CCDC171: variants seen among roughly 807,000 people sequenced by gnomAD.
CCDC171 encodes the protein coiled-coil domain-containing protein 171.
CCDC171 carries 177 observed loss-of-function variants against 168.2 expected under a neutral mutation model. The ratio of observed to expected loss-of-function variants is 1.05; its 90% CI spans 0.93 to 1.19. The LOEUF is 1.19. Ranked by LOEUF, CCDC171 falls within the 50% of genes most tolerant of loss-of-function variation. CCDC171 has a pLI of 0.00. For missense variants in CCDC171, 1,991 were observed against 1,539.0 expected (o/e 1.29, Z -4.91); for synonymous variants, 687 against 540.8 (o/e 1.27, Z -3.75).
exon 2 of CCDC171, chr9:16,060,789 C>G (rs1586871621): frequency 6.6e-6 from 1 of 152,212 alleles, no homozygotes; most frequent in Non-Finnish European, 1.5e-5. Context: ...AAGACCTGAA[C>G]TTCAGAGTGG....
At position 15,664,578 on chromosome 9, in the gene CCDC171, A is replaced by ACACACACACACACACACACACACACC. The variant is rs1205254303; in HGVS notation, c.916-1574_916-1573insACACACACACACACCCACACACACAC. Among the ~76,000 whole-genome samples, 10 of 151,688 alleles carry ACACACACACACACACACACACACACC rather than the reference A, an allele frequency of 6.6e-5. 1 individual carries two copies. Among genetic ancestry groups the ACACACACACACACACACACACACACC allele is most frequent in the African/African-American group, 2.4e-4 (10 of 41,220 alleles). ...GGCCCTTAAATTTATACACACACAC[A>ACACACACACACACACACACACACACC]CACACACACACTCACACGAGTTGTT... is the stretch of plus-strand genomic sequence containing the variant. On this transcript the variant is annotated intron_variant, in intron 8 of 25. Coordinates refer to ENST00000380701, the MANE Select transcript of CCDC171 (RefSeq NM_173550.4).
At chr9:15,889,520 G>A (rs565804671) in intron 24 of CCDC171, among the ~76,000 whole-genome samples, 1 of 152,222 alleles carries the variant, frequency 6.6e-6, no homozygotes, top group African/African-American at 2.4e-5. Flanking sequence ...AGTATTTTAT[G>A]CCACTTGAAA....
rs1434651702 is a variant in CCDC171 at position 15,642,341 on chromosome 9, GTGTATATA to G, written c.823-14784_823-14777del. ...TATATATATATATACACGTGTGTGT[GTGTATATA>G]TATATATATATATATATATATATAT... On this transcript the variant is annotated intron_variant, in intron 7 of 25. Coordinates refer to ENST00000380701, the MANE Select transcript of CCDC171 (RefSeq NM_173550.4). 9.0e-3 allele frequency among the ~76,000 whole-genome samples: 367 copies of G among 40,948 alleles called. 4 individuals are homozygous for G. Among genetic ancestry groups the G allele is most frequent in the African/African-American group, 0.022 (334 of 15,142 alleles). The allele number at this position is 40,948 out of a possible 152,430, so 26.9% of individuals were successfully genotyped here.
the CCDC171 span, among the ~76,000 whole-genome samples, chr9:16,071,287 C>T: frequency 2.0e-5 from 3 of 152,182 alleles, no homozygotes; most frequent in African/African-American, 7.2e-5. Context: ...AGTTTTTCTG[C>T]TCCTGTGATT....
At chr9:15,677,923 T>A (rs2049741872) in intron 9 of CCDC171, among the ~76,000 whole-genome samples, 2 of 37,616 alleles carry the variant, frequency 5.3e-5, no homozygotes, top group African/African-American at 2.4e-4. Flanking sequence ...TATATATATA[T>A]ATAAGAGATG....
rs115280572 is a variant in CCDC171 at position 15,873,621 on chromosome 9, A to T, written c.3469-911A>T. ...TCCTATTATTAAACTATATGATTAA[A>T]ATGAGAGCTTTTTGTTCTTAAATGC... is the stretch of plus-strand genomic sequence containing the variant. On this transcript the variant is annotated intron_variant, in intron 23 of 25. Transcript: ENST00000380701. Among the ~76,000 whole-genome samples, 1,157 of 152,238 alleles carry T rather than the reference A, an allele frequency of 7.6e-3. 13 individuals are homozygous for T. The highest frequency in any genetic ancestry group is 0.026 in the African/African-American group (1,095 of 41,562).
chr9:15,577,311 G>A (rs1208865494), intron 3 of CCDC171, among the ~76,000 whole-genome samples: 2 of 152,152 alleles, frequency 1.3e-5, no homozygotes, highest in Non-Finnish European at 2.9e-5. Flanking sequence ...AAATTCTCTA[G>A]TATAGTGAGA....
At chr9:15,742,272 C>G (rs1414519037) in intron 16 of CCDC171, among the ~76,000 whole-genome samples, 1 of 152,180 alleles carries the variant, frequency 6.6e-6, no homozygotes, top group East Asian at 1.9e-4. Flanking sequence ...TTTATGGCTT[C>G]TCATACCTCT....
chr9:15,672,579 A>G (rs143347237), intron 9 of CCDC171, among the ~76,000 whole-genome samples: 2 of 152,090 alleles, frequency 1.3e-5, no homozygotes, highest in South Asian at 2.1e-4. Flanking sequence ...TGGCTAGCCA[A>G]TTTCTGAACA....
downstream of CCDC171, among the ~76,000 whole-genome samples, chr9:16,063,513 T>C (rs1833958490): frequency 6.6e-6 from 1 of 152,124 alleles, no homozygotes; most frequent in African/African-American, 2.4e-5. Context: ...AAAAGTGAAG[T>C]TGGGGGGTTT....
At chr9:15,717,732 G>A (rs1180110653) in intron 11 of CCDC171, among the ~76,000 whole-genome samples, 1 of 152,154 alleles carries the variant, frequency 6.6e-6, no homozygotes, top group Non-Finnish European at 1.5e-5. Flanking sequence ...CACACCCTTG[G>A]CCAGAAGGGA....
At chr9:15,639,643 C>T (rs572166685) in intron 7 of CCDC171, among the ~76,000 whole-genome samples, 3 of 152,010 alleles carry the variant, frequency 2.0e-5, no homozygotes, top group Non-Finnish European at 4.4e-5. Flanking sequence ...CTCATATATC[C>T]CTTCTGAAAC....
At chr9:15,799,134 CCATATATATATATATATATAT>C (rs2058694701) in intron 21 of CCDC171, among the ~76,000 whole-genome samples, 1 of 16,150 alleles carries the variant, frequency 6.2e-5, no homozygotes, top group Admixed American at 1.3e-3. Flanking sequence ...TTCATCATTG[CCATATATATATATATATATAT>C]ATATATATAT....
At chr9:15,859,427 CT>C (rs2061469139) in intron 23 of CCDC171, among the ~76,000 whole-genome samples, 1 of 151,764 alleles carries the variant, frequency 6.6e-6, no homozygotes, top group South Asian at 2.1e-4. Flanking sequence ...GTTTTCCCTC[CT>C]TTTCAAATTT....
intron 18 of CCDC171, among the ~76,000 whole-genome samples, chr9:15,775,083 G>A (rs2057240658): frequency 6.9e-6 from 1 of 144,206 alleles, no homozygotes; most frequent in Non-Finnish European, 1.5e-5. Flanking sequence ...AACACCACCT[G>A]TTCCTCCAAA....
intron 21 of CCDC171, among the ~76,000 whole-genome samples, chr9:15,837,665 G>A (rs954954798): frequency 1.3e-5 from 2 of 152,092 alleles, no homozygotes; most frequent in Admixed American, 6.5e-5. Flanking sequence ...TGCTGAAACT[G>A]GTTGATTTAG....
Position 15,816,650 on chromosome 9 carries a change from C to G in CCDC171, c.3268-30052C>G, listed in dbSNP as rs1421765136. Reference sequence around the variant, plus strand: ...GGTAGGAGTAAAGAGAGGTTAGATTCTGCATGTACTTGCATTTTGAATGTT... The same window carrying G: ...GGTAGGAGTAAAGAGAGGTTAGATTGTGCATGTACTTGCATTTTGAATGTT... On this transcript the variant is annotated intron_variant, in intron 21 of 25. Coordinates refer to ENST00000380701, the MANE Select transcript of CCDC171 (RefSeq NM_173550.4). Among the ~76,000 whole-genome samples the G allele has an allele frequency of 1.7e-5, 2 of 118,026 alleles. 1 individual carries two copies. Among genetic ancestry groups the G allele is most frequent in the Non-Finnish European group, 3.8e-5 (2 of 52,448 alleles). The allele number at this position is 118,026 out of a possible 152,430, so 77.4% of individuals were successfully genotyped here. A position where few individuals can be genotyped will look rare whatever the true frequency, so the allele number is the denominator to read the frequency against.
At chr9:15,923,483 A>G (rs1050223768) in intron 25 of CCDC171, among the ~76,000 whole-genome samples, 2 of 151,350 alleles carry the variant, frequency 1.3e-5, no homozygotes, top group African/African-American at 4.8e-5. Flanking sequence ...GGTGGTTACC[A>G]GAGGATGGAG....
chr9:15,769,047 A>C (rs540418338), intron 18 of CCDC171, among the ~76,000 whole-genome samples: 18 of 152,364 alleles, frequency 1.2e-4, no homozygotes, highest in African/African-American at 4.3e-4. Flanking sequence ...TTCAGAAGTG[A>C]GATGCTCTCT....
Sources: allele counts gnomAD v4.1 joint callset (sites outside exome capture counted in the v4.1 genomes callset), GRCh38; gene constraint gnomAD v4.1.1; transcripts MANE v1.5; gene names NCBI Gene and HGNC (gene_info 2026-07-23, HGNC 2026-07-21).